Variants in ZNF648 observed in about 807,000 individuals in gnomAD.
ZNF648 encodes the protein zinc finger protein 648.
Under a neutral mutation model 0.3 loss-of-function variants are expected in ZNF648, and 1 was observed. The ratio of observed to expected loss-of-function variants is 3.90; its 90% CI spans 1.39 to 18.51. ZNF648 has a LOEUF of 18.51. Among genes scored for constraint, ZNF648 ranks in the 30% most tolerant of loss-of-function variants. The pLI is 0.11. For synonymous variants in ZNF648, 376 were observed against 326.8 expected (o/e 1.15, Z -1.62); for missense variants, 874 against 769.7 (o/e 1.14, Z -1.60).
At position 182,057,301 on chromosome 1, in the gene ZNF648, G is replaced by A. The variant is rs764067987; in HGVS notation, c.710C>T (p.Ala237Val). Reference protein sequence around the residue: ...ARNSRKVQNQAGRREGGEAEA... With the variant: ...ARNSRKVQNQVGRREGGEAEA... Reference sequence around the variant, plus strand: ...AGCCTCTCCGCCCTCGCGCCGGCCCGCCTGGTTCTGTACTTTCCTGCTGTT... The same window carrying A: ...AGCCTCTCCGCCCTCGCGCCGGCCCACCTGGTTCTGTACTTTCCTGCTGTT... Residue 237 changes from alanine (A) to valine (V), a missense_variant, in exon 2 of 2, where the codon GCG (alanine) becomes GTG (valine). Physicochemically the swap from Ala to Val is moderately conservative, Grantham distance 64. Transcript: ENST00000339948. 2 of 1,601,544 alleles carry A rather than the reference G, an allele frequency of 1.2e-6. No homozygotes were observed. Among genetic ancestry groups the A allele is most frequent in the African/African-American group, 1.3e-5 (1 of 74,982 alleles).
intron 1 of ZNF648, among the ~76,000 whole-genome samples, chr1:182,058,516 A>G (rs1267158274): frequency 1.3e-5 from 2 of 149,838 alleles, no homozygotes. Flanking sequence ...CCTGCCAGGA[A>G]TGGAAGTCTG....
In ZNF648 at chr1:182,054,848, A is replaced by ACTAG. The variant is rs1050124433; in HGVS notation, c.*1455_*1456insCTAG. Reference sequence around the variant, plus strand: ...TTACCTTGGTCAAACAAGACACAAGACTATCTAGCTATCTAGCTATCTAGC... The same window carrying ACTAG: ...TTACCTTGGTCAAACAAGACACAAGACTAGCTATCTAGCTATCTAGCTATCTAGC... On this transcript the variant is annotated 3_prime_UTR_variant, in exon 2 of 2. Transcript: ENST00000339948. 6.6e-6 allele frequency: 1 copy of ACTAG among 152,230 alleles called. No homozygotes were observed. The highest frequency in any genetic ancestry group is 1.5e-5 in the Non-Finnish European group (1 of 68,042). 9.4% of individuals were successfully genotyped at this position (152,230 alleles called of 1,614,324 possible).
chr1:182,057,036 G>A lies in ZNF648; in HGVS notation c.975C>T (p.His325=). 1 of 1,613,624 alleles carries A rather than the reference G, an allele frequency of 6.2e-7. No homozygotes were observed. The highest frequency in any genetic ancestry group is 8.5e-7 in the Non-Finnish European group (1 of 1,179,972). ...AYTWSSDHRK[H]IRTHTGEKPY... ...GTTTCTCGCCTGTGTGGGTGCGGAT[G>A]TGCTTCCGGTGGTCGGAGGACCAGG... The change falls in exon 2 of 2, where the codon CAC becomes CAT. Residue 325 remains histidine, a synonymous_variant. Transcript: ENST00000339948.
At chr1:182,061,946 G>A (rs892858786), upstream of ZNF648, among the ~76,000 whole-genome samples, 7 of 152,178 alleles carry the variant, frequency 4.6e-5, no homozygotes, top group African/African-American at 1.7e-4. Context: ...CTTCCACAGA[G>A]CAGTCCATCC....
chr1:182,061,380 C>G (rs188253967), intron 1 of ZNF648, among the ~76,000 whole-genome samples, 188 bp downstream of exon 1: 1 of 152,320 alleles, frequency 6.6e-6, no homozygotes, highest in Non-Finnish European at 1.5e-5. Context: ...CCTCATACAT[C>G]CATCAACACT....
upstream of ZNF648, chr1:182,062,754 A>G (rs1396631414): frequency 1.3e-5 from 2 of 152,224 alleles, no homozygotes; most frequent in African/African-American, 4.8e-5. Context: ...GGTTTGTTAC[A>G]TAGGTAAACA....
rs12568050 is a variant in ZNF648 at position 182,057,678 on chromosome 1, G to C, written c.333C>G (p.Asn111Lys). ...ASWSRDVTKINETQGSPGASR... is the reference protein window; with the variant it reads ...ASWSRDVTKIKETQGSPGASR... ...TTGCTCCCGGGGAACCCTGGGTCTC[G>C]TTGATCTTTGTCACATCTCTGCTCC... Residue 111 changes from asparagine (N) to lysine (K), a missense_variant, in exon 2 of 2, where the codon AAC (asparagine) becomes AAG (lysine). Physicochemically the swap from Asn to Lys is moderately conservative, Grantham distance 94 (BLOSUM62 0). Transcript: ENST00000339948. 250,798 of 1,614,082 alleles carry C rather than the reference G, an allele frequency of 0.16. 20,951 individuals are homozygous for C. Among genetic ancestry groups the C allele is most frequent in the East Asian group, 0.28 (12,487 of 44,856 alleles).
Position 182,056,548 on chromosome 1 carries a change from G to A in ZNF648, c.1463C>T (p.Ser488Phe), listed in dbSNP as rs530658849. 1.9e-6 allele frequency: 3 copies of A among 1,614,178 alleles called. No individual in the cohort carries two copies. Among genetic ancestry groups the A allele is most frequent in the Non-Finnish European group, 2.5e-6 (3 of 1,180,030 alleles). Reference sequence around the variant, plus strand: ...CTGTTGGTGCCGCTTCAGGGTCGAAGAGCGGGCAAAGGCCTGGCCACACTG... The same window carrying A: ...CTGTTGGTGCCGCTTCAGGGTCGAAAAGCGGGCAAAGGCCTGGCCACACTG... ...CTQCGQAFAR[S>F]STLKRHQQIH... The change falls in exon 2 of 2, where the codon TCT becomes TTT. Residue 488 changes from serine to phenylalanine, a missense_variant. Ser to Phe is a radical substitution (Grantham distance 155). Coordinates refer to ENST00000339948, the MANE Select transcript of ZNF648 (RefSeq NM_001009992.1).
In ZNF648 at chr1:182,056,848, C is replaced by G. The variant is rs761728424; in HGVS notation, c.1163G>C (p.Gly388Ala). The stretch of plus-strand genomic sequence containing the variant: ...GGCGGGGCAGCGGAAGGGCTTGGCG[C>G]CCAGGTGCGTGCGCTGGTGGCGCAG... The part of the protein sequence containing the change: ...SLLRHQRTHL[G>A]AKPFRCPACD... The change falls in exon 2 of 2, where the codon GGC becomes GCC. Residue 388 changes from glycine to alanine, a missense_variant. Physicochemically the swap from Gly to Ala is moderately conservative, Grantham distance 60 (BLOSUM62 0). Coordinates refer to ENST00000339948, the MANE Select transcript of ZNF648 (RefSeq NM_001009992.1). 1.2e-5 allele frequency: 18 copies of G among 1,559,142 alleles called. No homozygotes were observed. Among genetic ancestry groups the G allele is most frequent in the Non-Finnish European group, 1.6e-5 (18 of 1,152,036 alleles).
Position 182,057,302 on chromosome 1 carries a change from C to G in ZNF648, c.709G>C (p.Ala237Pro), listed in dbSNP as rs1665945385. Reference sequence around the variant, plus strand: ...GCCTCTCCGCCCTCGCGCCGGCCCGCCTGGTTCTGTACTTTCCTGCTGTTC... The same window carrying G: ...GCCTCTCCGCCCTCGCGCCGGCCCGGCTGGTTCTGTACTTTCCTGCTGTTC... The part of the protein sequence containing the change: ...ARNSRKVQNQ[A>P]GRREGGEAEA... The change falls in exon 2 of 2, where the codon GCG becomes CCG. Residue 237 changes from alanine to proline, a missense_variant. Physicochemically the swap from Ala to Pro is conservative, Grantham distance 27 (BLOSUM62 -1). Transcript: ENST00000339948. 6.2e-7 allele frequency: 1 copy of G among 1,602,322 alleles called. No individual in the cohort carries two copies. The highest frequency in any genetic ancestry group is 1.3e-5 in the African/African-American group (1 of 74,888).
the ZNF648 span, among the ~76,000 whole-genome samples, chr1:182,068,889 C>T: frequency 8.0e-6 from 1 of 125,594 alleles, no homozygotes; most frequent in Admixed American, 8.7e-5. Flanking sequence ...GCACTCCAGG[C>T]TGGGCAACAG....
At chr1:182,067,532 A>C in the ZNF648 span, among the ~76,000 whole-genome samples, 8 of 152,170 alleles carry the variant, frequency 5.3e-5, no homozygotes, top group African/African-American at 1.7e-4. Flanking sequence ...CAGAGAACCC[A>C]CCTCTGGTCT....
At chr1:182,067,896 C>T in the ZNF648 span, among the ~76,000 whole-genome samples, 5 of 152,244 alleles carry the variant, frequency 3.3e-5, no homozygotes, top group Non-Finnish European at 7.3e-5. Context: ...ACAGAGACTT[C>T]AGGCCTCCAC....
chr1:182,067,617 T>TG, the ZNF648 span, among the ~76,000 whole-genome samples: 1 of 152,210 alleles, frequency 6.6e-6, no homozygotes, highest in African/African-American at 2.4e-5. Context: ...CAGTGGTCTC[T>TG]GGAGCCACTT....
In ZNF648 at chr1:182,057,356, G is replaced by C; in HGVS notation, c.655C>G (p.Leu219Val). 2 of 1,611,560 alleles carry C rather than the reference G, an allele frequency of 1.2e-6. No homozygotes were observed. The highest frequency in any genetic ancestry group is 1.7e-6 in the Non-Finnish European group (2 of 1,179,830). Residue 219 changes from leucine (L) to valine (V), a missense_variant, in exon 2 of 2, where the codon CTG (leucine) becomes GTG (valine). Transcript: ENST00000339948. ...PAQASATPAS[L>V]AAAVLAKARN... ...GCTTTTGCCAGGACCGCGGCAGCCA[G>C]GCTGGCTGGGGTGGCCGACGCCTGG...
upstream of ZNF648, among the ~76,000 whole-genome samples, chr1:182,065,381 C>A (rs1666085339): frequency 6.6e-6 from 1 of 152,208 alleles, no homozygotes; most frequent in Non-Finnish European, 1.5e-5. Flanking sequence ...AGCCTTGCTG[C>A]CCAGAGAGAT....
chr1:182,060,839 C>T (rs1233090054), intron 1 of ZNF648, among the ~76,000 whole-genome samples: 1 of 152,174 alleles, frequency 6.6e-6, no homozygotes, highest in East Asian at 1.9e-4. Context: ...CTCTTTCCCT[C>T]TTTACGACAA....
In ZNF648 at chr1:182,056,920, A is replaced by G. The variant is rs764208349; in HGVS notation, c.1091T>C (p.Phe364Ser). 2 of 1,606,192 alleles carry G rather than the reference A, an allele frequency of 1.2e-6. No homozygotes were observed. The highest frequency in any genetic ancestry group is 1.1e-5 in the South Asian group (1 of 90,144). ...GGTCAGGCCGCACTCGGAGCACGGG[A>G]AGGGCTTATTGTTGCTGTGCATGTT... The part of the protein sequence containing the change: ...QRNMHSNNKP[F>S]PCSECGLTFN... Residue 364 changes from phenylalanine to serine, a missense_variant, in exon 2 of 2, where the codon TTC becomes TCC. By Grantham distance (155) the Phe-to-Ser change is radical. Coordinates refer to ENST00000339948, the MANE Select transcript of ZNF648 (RefSeq NM_001009992.1).
Position 182,057,963 on chromosome 1 carries a change from G to C in ZNF648, c.48C>G (p.Leu16=). The change falls in exon 2 of 2, where the codon CTC becomes CTG. Residue 16 remains leucine, a synonymous_variant. Coordinates refer to ENST00000339948, the MANE Select transcript of ZNF648 (RefSeq NM_001009992.1). ...CATGAGCTTCCTCAGTCAAGCTGCTGAGAGGAGACGCCTCTCCCCACCTGT... is the reference window on the plus strand; with the variant it reads ...CATGAGCTTCCTCAGTCAAGCTGCTCAGAGGAGACGCCTCTCCCCACCTGT... ...SQDRWGEASP[L]SSLTEEAHDT... is the part of the protein sequence containing the mutation. 6.2e-7 allele frequency: 1 copy of C among 1,613,572 alleles called. No individual in the cohort carries two copies. Among genetic ancestry groups the C allele is most frequent in the Non-Finnish European group, 8.5e-7 (1 of 1,179,766 alleles).
Sources: allele counts gnomAD v4.1 joint callset (sites outside exome capture counted in the v4.1 genomes callset), GRCh38; gene constraint gnomAD v4.1.1; transcripts MANE v1.5; gene names NCBI Gene and HGNC (gene_info 2026-07-23, HGNC 2026-07-21).